Variants in YAF2 observed in about 807,000 individuals in gnomAD.
The protein encoded by YAF2 is YY1 associated factor 2, also known as YY1-associated factor 2.
YAF2 carries 7 observed loss-of-function variants against 20.1 expected under a neutral mutation model. The observed-to-expected ratio is 0.35, with a 90% CI of 0.20 to 0.65. The LOEUF is 0.65. Among genes scored for constraint, YAF2 ranks in the 30% least tolerant of loss-of-function variants. The pLI is 0.69. For missense variants in YAF2, 151 were observed against 219.2 expected (o/e 0.69, Z 1.96); for synonymous variants, 74 against 76.0 (o/e 0.97, Z 0.14).
intron 2 of YAF2, among the ~76,000 whole-genome samples, chr12:42,185,809 C>T (rs2066457993): frequency 6.6e-6 from 1 of 152,096 alleles, no homozygotes; most frequent in Admixed American, 6.5e-5. Flanking sequence ...AACTAGGAAA[C>T]CAAAAACTTC....
intron 2 of YAF2, among the ~76,000 whole-genome samples, chr12:42,227,907 G>A (rs1403315390): frequency 2.3e-4 from 28 of 119,484 alleles, no homozygotes; most frequent in East Asian, 5.4e-4. Context: ...GCCTCTGCCC[G>A]GCCGCCCCTA....
chr12:42,187,873 G>C (rs563916723), intron 2 of YAF2, among the ~76,000 whole-genome samples: 132 of 152,264 alleles, frequency 8.7e-4, no homozygotes, highest in African/African-American at 2.7e-3. Context: ...AAAAGACATT[G>C]TGACTTTCAT....
chr12:42,178,939 C>T (rs761465890), intron 2 of YAF2, among the ~76,000 whole-genome samples: 87 of 151,990 alleles, frequency 5.7e-4, no homozygotes, highest in Admixed American at 2.3e-3. Flanking sequence ...TGTAGTCTTA[C>T]GTACTCAGAA....
intron 2 of YAF2, among the ~76,000 whole-genome samples, chr12:42,227,658 A>G (rs2067771054): frequency 7.1e-6 from 1 of 141,624 alleles, no homozygotes; most frequent in African/African-American, 2.7e-5. Context: ...GCCCCGTCTG[A>G]GAAGTGAGGA....
At chr12:42,219,684 T>C (rs2067457975) in intron 2 of YAF2, among the ~76,000 whole-genome samples, 1 of 152,136 alleles carries the variant, frequency 6.6e-6, no homozygotes, top group African/African-American at 2.4e-5. Flanking sequence ...CAGCTCAAAG[T>C]GGGATGAATA....
chr12:42,215,337 G>A lies in YAF2; in HGVS notation c.152+22262C>T, dbSNP rs546978263. ...TGTAATTCCAGCACTTTGGGAGGCT[G>A]AGGTGGATCGCAAGAGCCCAGGAGT... On this transcript the variant is annotated intron_variant, in intron 2 of 3. Coordinates refer to ENST00000534854, the MANE Select transcript of YAF2 (RefSeq NM_005748.6). Among the ~76,000 whole-genome samples the A allele has an allele frequency of 1.1e-4, 16 of 152,180 alleles. 1 individual carries two copies. In the East Asian group the frequency reaches 2.1e-3, roughly 20 times the overall value.
In YAF2 at chr12:42,205,347, C is replaced by T. The variant is rs539899145; in HGVS notation, c.152+32252G>A. On this transcript the variant is annotated intron_variant, in intron 2 of 3. Transcript: ENST00000534854. ...GCAAACAACCAGCTTTGACTGATCA[C>T]GACATTGTTTTTCTTGCTGCTGCTT... Among the ~76,000 whole-genome samples the T allele has an allele frequency of 1.6e-3, 244 of 151,522 alleles. 1 individual carries two copies. Among genetic ancestry groups the T allele is most frequent in the African/African-American group, 5.5e-3 (227 of 41,362 alleles).
rs556115962 is a variant in YAF2, at chr12:42,214,225, C to T, written c.152+23374G>A. ...TGCTCAATGTAAAACAAACTCCTAA[C>T]CAAAGGGCTTTCAACTTGCCGTTAA... On this transcript the variant is annotated intron_variant, in intron 2 of 3. Coordinates refer to ENST00000534854, the MANE Select transcript of YAF2 (RefSeq NM_005748.6). Among the ~76,000 whole-genome samples, 3 of 152,332 alleles carry T rather than the reference C, an allele frequency of 2.0e-5. No homozygotes were observed. In the South Asian group the frequency reaches 6.2e-4, roughly 32 times the overall value.
At position 42,238,163 on chromosome 12, in the gene YAF2, G is replaced by A; in HGVS notation, c.18C>T (p.Ser6=). The A allele has an allele frequency of 6.5e-7, 1 of 1,546,886 alleles. No individual in the cohort carries two copies. The highest frequency in any genetic ancestry group is 8.7e-7 in the Non-Finnish European group (1 of 1,147,824). Residue 6 remains serine, a synonymous_variant, in exon 1 of 4, where the codon AGC becomes AGT. Transcript: ENST00000534854. ...GGCCCGGGCGCTGTTACCTGGTGGG[G>A]CTCTTCTTGTCTCCCATGGCTTGGC... is the stretch of plus-strand genomic sequence containing the variant. MGDKK[S]PTRPKRQPKP...
chr12:42,230,211 C>T (rs1227936415), intron 2 of YAF2, among the ~76,000 whole-genome samples: 3 of 151,942 alleles, frequency 2.0e-5, no homozygotes, highest in East Asian at 1.9e-4. Flanking sequence ...GAGCCAAGAT[C>T]GCGCTACTGC....
At chr12:42,184,942 G>A (rs1011587638) in intron 2 of YAF2, among the ~76,000 whole-genome samples, 13 of 152,222 alleles carry the variant, frequency 8.5e-5, no homozygotes, top group South Asian at 2.1e-4. Context: ...TTGGGAGGCC[G>A]AGGAGGGCAG....
At chr12:42,199,946 T>C (rs1053626854) in intron 2 of YAF2, among the ~76,000 whole-genome samples, 2 of 152,176 alleles carry the variant, frequency 1.3e-5, no homozygotes, top group Admixed American at 1.3e-4. Context: ...CCTTAGTGCC[T>C]GACAACCAAT....
chr12:42,235,375 A>G, intron 2 of YAF2: 1 of 1,017,586 alleles, frequency 9.8e-7, no homozygotes, highest in Non-Finnish European at 1.2e-6. Flanking sequence ...TAACATTACC[A>G]GAGAGGAAAA....
chr12:42,222,953 T>G lies in YAF2; in HGVS notation c.152+14646A>C, dbSNP rs1010334815. Reference sequence around the variant, plus strand: ...TGCCAAATTCTTTTTTTTTTTTTTGTTACCATTGGTAGTTTCTGGTGTTGG... The same window carrying G: ...TGCCAAATTCTTTTTTTTTTTTTTGGTACCATTGGTAGTTTCTGGTGTTGG... On this transcript the variant is annotated intron_variant, in intron 2 of 3. Transcript: ENST00000534854. 2.7e-5 allele frequency among the ~76,000 whole-genome samples: 4 copies of G among 150,576 alleles called. No individual in the cohort carries two copies. The South Asian group carries it at 6.4e-4, about 24-fold the overall frequency.
chr12:42,235,076 A>G (rs2068105129), intron 2 of YAF2: 1 of 985,392 alleles, frequency 1.0e-6, no homozygotes, highest in Admixed American at 6.1e-5. Context: ...AGTTTTTCAA[A>G]TGTCTAGAAT....
At chr12:42,237,989 T>C (rs1027670889) in intron 1 of YAF2, among the ~76,000 whole-genome samples, 166 bp downstream of exon 1, 1 of 147,746 alleles carries the variant, frequency 6.8e-6, no homozygotes, top group African/African-American at 2.5e-5. Flanking sequence ...GGCTCCATTG[T>C]GGGGCGGCCG....
rs59476115 is a variant in YAF2, at chr12:42,175,740, C to CAAAAAAAAAA, written c.153-13985_153-13976dup. Among the ~76,000 whole-genome samples the CAAAAAAAAAA allele has an allele frequency of 1.6e-3, 72 of 45,000 alleles. 2 individuals carry two copies. Among genetic ancestry groups the CAAAAAAAAAA allele is most frequent in the African/African-American group, 3.5e-3 (45 of 13,032 alleles). 29.5% of individuals were successfully genotyped at this position (45,000 alleles called of 152,430 possible). The stretch of plus-strand genomic sequence containing the variant: ...CTGGCGACAGAGCAAGACTCTGTCT[C>CAAAAAAAAAA]AAAAAAAAAAAAAAAAAAAAAAAAA... On this transcript the variant is annotated intron_variant, in intron 2 of 3. Coordinates refer to ENST00000534854, the MANE Select transcript of YAF2 (RefSeq NM_005748.6).
intron 2 of YAF2, among the ~76,000 whole-genome samples, chr12:42,190,604 G>T (rs2066589418): frequency 6.6e-6 from 1 of 151,918 alleles, no homozygotes; most frequent in Non-Finnish European, 1.5e-5. Flanking sequence ...CTTTTGTTGA[G>T]TGTTTGTTTT....
rs2065729831 is a variant in YAF2 at position 42,157,573 on chromosome 12, A to G, written c.*3016T>C. On this transcript the variant is annotated 3_prime_UTR_variant, in exon 4 of 4. Coordinates refer to ENST00000534854, the MANE Select transcript of YAF2 (RefSeq NM_005748.6). ...GGCTACATTCTTTCAGTCTATAAGG[A>G]TCTTTATCTAAAAGTTAATAAACAT... The G allele has an allele frequency of 6.6e-6, 1 of 152,226 alleles. No individual in the cohort carries two copies. Among genetic ancestry groups the G allele is most frequent in the African/African-American group, 2.4e-5 (1 of 41,466 alleles). The allele number at this position is 152,226 out of a possible 1,614,324, so 9.4% of individuals were successfully genotyped here. A position where few individuals can be genotyped will look rare whatever the true frequency, so the allele number is the denominator to read the frequency against.
Sources: allele counts gnomAD v4.1 joint callset (sites outside exome capture counted in the v4.1 genomes callset), GRCh38; gene constraint gnomAD v4.1.1; transcripts MANE v1.5; gene names NCBI Gene and HGNC (gene_info 2026-07-23, HGNC 2026-07-21).